Variants in LDLRAD4 observed in about 807,000 individuals in gnomAD.
LDLRAD4 encodes the protein low density lipoprotein receptor class A domain containing 4, also known as low-density lipoprotein receptor class A domain-containing protein 4.
In LDLRAD4, 5 loss-of-function variants were observed where a neutral mutation model predicts 17.0. The ratio of observed to expected loss-of-function variants is 0.29; its 90% CI spans 0.15 to 0.62. LDLRAD4 has a LOEUF of 0.62. Ranked by LOEUF, LDLRAD4 falls within the 20% of genes least tolerant of loss-of-function variation. LDLRAD4 has a pLI of 0.84. For missense variants in LDLRAD4, 340 were observed against 424.7 expected (o/e 0.80, Z 1.75); for synonymous variants, 168 against 171.8 (o/e 0.98, Z 0.17).
At chr18:13,427,687 C>T (rs1250501051) in intron 2 of LDLRAD4, among the ~76,000 whole-genome samples, 1 of 152,196 alleles carries the variant, frequency 6.6e-6, no homozygotes, top group Non-Finnish European at 1.5e-5. Context: ...AAAAGCCTAG[C>T]TATTTATGAC....
chr18:13,551,179 G>A (rs1198051039), intron 3 of LDLRAD4, among the ~76,000 whole-genome samples: 1 of 152,120 alleles, frequency 6.6e-6, no homozygotes, highest in African/African-American at 2.4e-5. Flanking sequence ...TAGTGTCATC[G>A]GGTGCCAACA....
At chr18:13,377,885 C>T (rs2085043125) in intron 1 of LDLRAD4, among the ~76,000 whole-genome samples, 1 of 152,202 alleles carries the variant, frequency 6.6e-6, no homozygotes, top group Admixed American at 6.5e-5. Context: ...TTCTGTCCAC[C>T]CCCACTCACC....
At chr18:13,331,402 G>C (rs2081859645) in intron 1 of LDLRAD4, among the ~76,000 whole-genome samples, 1 of 152,108 alleles carries the variant, frequency 6.6e-6, no homozygotes, top group South Asian at 2.1e-4. Context: ...AAAAGTTTGA[G>C]TATTTTTCCA....
At chr18:13,439,809 G>A (rs1461500510) in intron 3 of LDLRAD4, among the ~76,000 whole-genome samples, 1 of 152,232 alleles carries the variant, frequency 6.6e-6, no homozygotes, top group African/African-American at 2.4e-5. Flanking sequence ...GCAGGCCAGA[G>A]GGTCGGGAGC....
rs922542694 is a variant in LDLRAD4, at chr18:13,612,877, T to A, written c.182-8240T>A. 105 of 1,369,326 alleles carry A rather than the reference T, an allele frequency of 7.7e-5. 1 individual carries two copies. The highest frequency in any genetic ancestry group is 3.6e-4 in the Middle Eastern group (2 of 5,566). The allele number at this position is 1,369,326 out of a possible 1,614,324, so 84.8% of individuals were successfully genotyped here. A position where few individuals can be genotyped will look rare whatever the true frequency, so the allele number is the denominator to read the frequency against. On this transcript the variant is annotated intron_variant, in intron 3 of 5. Transcript: ENST00000359446. The stretch of plus-strand genomic sequence containing the variant: ...GGACAGAGCTGAGAAGAGGAGAAGC[T>A]CTTTCTCAAGAAGTTTCTTTCTACC...
chr18:13,281,470 G>A (rs898232863), intron 1 of LDLRAD4, among the ~76,000 whole-genome samples: 2 of 151,230 alleles, frequency 1.3e-5, no homozygotes, highest in Admixed American at 1.3e-4. Context: ...TCATGTGAAT[G>A]ACCATCTAAT....
intron 2 of LDLRAD4, among the ~76,000 whole-genome samples, chr18:13,388,012 A>G (rs77320344): frequency 0.022 from 3,323 of 152,324 alleles, 64 homozygotes; most frequent in Non-Finnish European, 0.036. Flanking sequence ...GGATACACAC[A>G]ATATCCTGCA....
intron 3 of LDLRAD4, chr18:13,612,440 T>C (rs963757576): frequency 7.9e-7 from 1 of 1,273,610 alleles, no homozygotes; most frequent in African/African-American, 1.5e-5. Context: ...CAGTTGATAA[T>C]TGGTAGCCAC....
intron 2 of LDLRAD4, among the ~76,000 whole-genome samples, chr18:13,427,164 A>G (rs5012480): frequency 0.47 from 70,878 of 151,972 alleles, 16,703 homozygotes; most frequent in South Asian, 0.52. Flanking sequence ...CCAGCCTGGC[A>G]ACAGAGCAAG....
intron 1 of LDLRAD4, among the ~76,000 whole-genome samples, chr18:13,321,903 GA>G (rs2081262990): frequency 1.6e-5 from 1 of 63,538 alleles, no homozygotes; most frequent in African/African-American, 6.4e-5. Flanking sequence ...AAAAAAAAAA[GA>G]AAAGAAAAAG....
At chr18:13,356,642 C>T (rs1471851278) in intron 1 of LDLRAD4, among the ~76,000 whole-genome samples, 1 of 152,094 alleles carries the variant, frequency 6.6e-6, no homozygotes, top group African/African-American at 2.4e-5. Flanking sequence ...CCCCTGGAAC[C>T]ACCACTCAAG....
intron 1 of LDLRAD4, among the ~76,000 whole-genome samples, chr18:13,375,066 T>C (rs2084804391): frequency 6.6e-6 from 1 of 152,190 alleles, no homozygotes; most frequent in African/African-American, 2.4e-5. Context: ...TCTGTTTCCA[T>C]GGGAACTAGA....
chr18:13,571,771 G>A (rs1015058848), intron 3 of LDLRAD4, among the ~76,000 whole-genome samples: 5 of 152,162 alleles, frequency 3.3e-5, no homozygotes, highest in Admixed American at 2.0e-4. Context: ...CAAGTAGCTG[G>A]GACTACAGGC....
At position 13,460,266 on chromosome 18, in the gene LDLRAD4, C is replaced by T. The variant is rs141888491; in HGVS notation, c.181+21882C>T. 4.1e-4 allele frequency among the ~76,000 whole-genome samples: 63 copies of T among 152,284 alleles called. No individual in the cohort carries two copies. In the South Asian group the frequency reaches 7.5e-3, roughly 18 times the overall value. On this transcript the variant is annotated intron_variant, in intron 3 of 5. Coordinates refer to ENST00000359446, the Ensembl canonical transcript of LDLRAD4. ...TGAGTGCAGTGGCGCTATCACAATTCACTGCATCTTTGAACTTCTGGGCTC... is the reference window on the plus strand; with the variant it reads ...TGAGTGCAGTGGCGCTATCACAATTTACTGCATCTTTGAACTTCTGGGCTC...
intron 4 of LDLRAD4, among the ~76,000 whole-genome samples, chr18:13,636,945 C>T (rs1383083113): frequency 6.6e-6 from 1 of 151,766 alleles, no homozygotes; most frequent in South Asian, 2.1e-4. Flanking sequence ...TTACAGGCAC[C>T]CACCACTACA....
At chr18:13,470,140 G>A (rs183413338) in intron 3 of LDLRAD4, among the ~76,000 whole-genome samples, 2 of 152,230 alleles carry the variant, frequency 1.3e-5, no homozygotes, top group East Asian at 1.9e-4. Context: ...TAGACCGTGT[G>A]GAAATGGTAT....
chr18:13,529,425 G>C (rs547506372), intron 3 of LDLRAD4, among the ~76,000 whole-genome samples: 1 of 152,322 alleles, frequency 6.6e-6, no homozygotes, highest in East Asian at 1.9e-4. Context: ...TCATCCACAA[G>C]TAGAAAATGA....
At chr18:13,275,276 C>T (rs2044794040), upstream of LDLRAD4, among the ~76,000 whole-genome samples, 1 of 152,126 alleles carries the variant, frequency 6.6e-6, no homozygotes, top group Admixed American at 6.5e-5. Context: ...TAAGTAGATG[C>T]CAGAGAAGTG....
intron 3 of LDLRAD4, among the ~76,000 whole-genome samples, chr18:13,573,611 G>T (rs970575824): frequency 4.6e-5 from 7 of 152,204 alleles, no homozygotes; most frequent in African/African-American, 1.7e-4. Flanking sequence ...AGAAATCTAG[G>T]AGCATGCTGG....
Sources: gnomAD v4.1 joint callset for allele counts (sites outside exome capture counted in the v4.1 genomes callset) on GRCh38, gnomAD v4.1.1 for gene constraint, MANE v1.5 for transcripts, NCBI Gene and HGNC (gene_info 2026-07-23, HGNC 2026-07-21) for gene names.